The following VIT variants were observed in gnomAD, a reference collection of about 807,000 sequenced individuals.
VIT encodes vitrin.
A neutral mutation model predicts 78.0 loss-of-function variants in VIT; 99 were observed. The ratio of observed to expected loss-of-function variants is 1.27; its 90% CI spans 1.08 to 1.50. VIT has a LOEUF of 1.50. Ranked by LOEUF, VIT falls within the 40% of genes most tolerant of loss-of-function variation. VIT has a pLI of 0.00. For synonymous variants in VIT, 374 were observed against 334.3 expected (o/e 1.12, Z -1.29); for missense variants, 1,126 against 875.3 (o/e 1.29, Z -3.61).
At chr2:36,748,056 T>C (rs1668244393) in intron 4 of VIT, among the ~76,000 whole-genome samples, 1 of 152,220 alleles carries the variant, frequency 6.6e-6, no homozygotes, top group African/African-American at 2.4e-5. Flanking sequence ...AGGCTCCCAA[T>C]CTCTTCTGGC....
intron 3 of VIT, among the ~76,000 whole-genome samples, chr2:36,730,197 A>G (rs1667107276): frequency 6.6e-6 from 1 of 151,906 alleles, no homozygotes; most frequent in African/African-American, 2.4e-5. Context: ...CTGAGGCACG[A>G]GAATCACTTG....
chr2:36,740,796 A>G (rs1345857649), intron 3 of VIT, among the ~76,000 whole-genome samples: 2 of 152,232 alleles, frequency 1.3e-5, no homozygotes, highest in East Asian at 3.8e-4. Context: ...AGGAAGTAAA[A>G]TGTGACATTT....
chr2:36,760,333 G>A (rs113489701), intron 6 of VIT, among the ~76,000 whole-genome samples: 13 of 152,100 alleles, frequency 8.5e-5, no homozygotes, highest in African/African-American at 1.7e-4. Flanking sequence ...TATATAGATC[G>A]CTGATTTCCT....
chr2:36,806,366 T>G (rs1408768966), intron 14 of VIT, among the ~76,000 whole-genome samples: 1 of 152,224 alleles, frequency 6.6e-6, no homozygotes, highest in Non-Finnish European at 1.5e-5. Flanking sequence ...CTCAAACTGA[T>G]GACCACTTCC....
At chr2:36,795,077 T>G (rs1409629071) in intron 12 of VIT, among the ~76,000 whole-genome samples, 2 of 152,214 alleles carry the variant, frequency 1.3e-5, no homozygotes, top group African/African-American at 4.8e-5. Flanking sequence ...ACCTATTTAG[T>G]ACCTCCTGGA....
At chr2:36,733,051 G>C (rs1667300727) in intron 3 of VIT, among the ~76,000 whole-genome samples, 1 of 152,244 alleles carries the variant, frequency 6.6e-6, no homozygotes, top group Non-Finnish European at 1.5e-5. Flanking sequence ...ATGGTGAAGA[G>C]TTTTACTGCC....
chr2:36,731,577 C>G (rs1193361486), intron 3 of VIT, among the ~76,000 whole-genome samples: 1 of 152,058 alleles, frequency 6.6e-6, no homozygotes, highest in Non-Finnish European at 1.5e-5. Flanking sequence ...CCGGCCATGT[C>G]TTGATTTTAA....
At chr2:36,722,829 A>G (rs1037227840) in intron 2 of VIT, among the ~76,000 whole-genome samples, 3 of 152,210 alleles carry the variant, frequency 2.0e-5, no homozygotes, top group Admixed American at 6.5e-5. Context: ...ACTGGAAAAC[A>G]TGAGCACAGA....
rs112602035 is a variant in VIT, at chr2:36,785,750, G to A, written c.911-1379G>A. On this transcript the variant is annotated intron_variant, in intron 11 of 15. Coordinates refer to ENST00000379242, the MANE Select transcript of VIT (RefSeq NM_053276.4). ...GGAGTGAAGTCAGCCAGTGCCAGAC[G>A]GGTCCCTCTCATCTCCTACTTCCCT... is the stretch of plus-strand genomic sequence containing the variant. 3.1e-3 allele frequency among the ~76,000 whole-genome samples: 467 copies of A among 152,262 alleles called. 1 individual carries two copies. Among genetic ancestry groups the A allele is most frequent in the African/African-American group, 0.011 (455 of 41,544 alleles).
chr2:36,803,169 A>T (rs947867144), intron 13 of VIT, among the ~76,000 whole-genome samples: 1 of 152,188 alleles, frequency 6.6e-6, no homozygotes, highest in Non-Finnish European at 1.5e-5. Flanking sequence ...AAACCACTGC[A>T]GCTAGCAACC....
At position 36,808,583 on chromosome 2, in the gene VIT, T is replaced by A. The variant is rs910636000; in HGVS notation, c.1501T>A (p.Cys501Ser). 1 of 1,614,190 alleles carries A rather than the reference T, an allele frequency of 6.2e-7. No homozygotes were observed. The highest frequency in any genetic ancestry group is 8.5e-7 in the Non-Finnish European group (1 of 1,180,044). Residue 501 changes from cysteine (C) to serine (S), a missense_variant, in exon 15 of 16, where the codon TGC becomes AGC. Coordinates refer to ENST00000379242, the MANE Select transcript of VIT (RefSeq NM_053276.4). ...KRVCDTDRLA[C>S]SKTCLNSADI... ...GGTCTGCGACACTGACCGCCTGGCC[T>A]GCAGCAAGACCTGCTTGAACTCGGC... is the stretch of plus-strand genomic sequence containing the variant.
chr2:36,780,297 C>G (rs1414093016), intron 9 of VIT, among the ~76,000 whole-genome samples: 1 of 152,194 alleles, frequency 6.6e-6, no homozygotes, highest in Non-Finnish European at 1.5e-5. Flanking sequence ...TCCTAATCTT[C>G]CTGACATTCA....
At chr2:36,796,647 T>G (rs572377598) in intron 12 of VIT, among the ~76,000 whole-genome samples, 4 of 152,184 alleles carry the variant, frequency 2.6e-5, no homozygotes, top group South Asian at 2.1e-4. Context: ...AGTTTTTTGT[T>G]GTTGTTGTTT....
intron 13 of VIT, among the ~76,000 whole-genome samples, chr2:36,805,222 G>A (rs919491561): frequency 2.0e-5 from 3 of 146,720 alleles, no homozygotes; most frequent in African/African-American, 5.0e-5. Context: ...GAGGGTTGAT[G>A]AAACTCAGGA....
At chr2:36,701,769 A>C (rs555678503) in intron 1 of VIT, among the ~76,000 whole-genome samples, 2 of 152,276 alleles carry the variant, frequency 1.3e-5, no homozygotes, top group South Asian at 4.1e-4. Context: ...TAAAGGTGCA[A>C]GTTAACTTGC....
At chr2:36,797,703 G>C (rs940440153) in intron 12 of VIT, among the ~76,000 whole-genome samples, 1 of 152,220 alleles carries the variant, frequency 6.6e-6, no homozygotes, top group African/African-American at 2.4e-5. Flanking sequence ...TGAATGGTCT[G>C]TGAGTCCTGG....
rs754548708 is a variant in VIT, at chr2:36,759,009, T to C, written c.450T>C (p.Leu150=). The C allele has an allele frequency of 6.2e-7, 1 of 1,614,182 alleles. No homozygotes were observed. The highest frequency in any genetic ancestry group is 1.7e-5 in the Admixed American group (1 of 60,030). The change falls in exon 6 of 16, where the codon CTT becomes CTC. Residue 150 remains leucine (L), a synonymous_variant. Transcript: ENST00000379242. Reference sequence around the variant, plus strand: ...AGGGTGTAACCTACCCATCAGCTCTTACATACTCATCATCGAAAAGTCCAG... The same window carrying C: ...AGGGTGTAACCTACCCATCAGCTCTCACATACTCATCATCGAAAAGTCCAG... ...PKKGVTYPSA[L]TYSSSKSPAA...
intron 6 of VIT, 108 bp from the exon 7 acceptor site, chr2:36,766,986 C>G (rs1033973420): frequency 7.9e-7 from 1 of 1,265,530 alleles, no homozygotes. Flanking sequence ...GTGGCTAGCA[C>G]AGCTCTGTGC....
intron 2 of VIT, among the ~76,000 whole-genome samples, chr2:36,720,333 C>T (rs1269356940): frequency 6.6e-6 from 1 of 152,030 alleles, no homozygotes; most frequent in African/African-American, 2.4e-5. Context: ...CAGAAAGAAA[C>T]CCACACATTT....
Sources: gnomAD v4.1 joint callset for allele counts (sites outside exome capture counted in the v4.1 genomes callset) on GRCh38, gnomAD v4.1.1 for gene constraint, MANE v1.5 for transcripts, NCBI Gene and HGNC (gene_info 2026-07-23, HGNC 2026-07-21) for gene names.